Variants in TMC7 observed in about 807,000 individuals in gnomAD.
The protein encoded by TMC7 is transmembrane channel like 7.
A neutral mutation model predicts 82.9 loss-of-function variants in TMC7; 54 were observed. The observed-to-expected ratio is 0.65, with a 90% CI of 0.52 to 0.82. The LOEUF is 0.82. Ranked by LOEUF, TMC7 falls within the 40% of genes least tolerant of loss-of-function variation. The pLI is 0.00. For synonymous variants in TMC7, 350 were observed against 337.9 expected, an observed-to-expected ratio of 1.04 and a Z score of -0.39; for missense variants, 820 against 901.2, an observed-to-expected ratio of 0.91 and a Z score of 1.15.
Position 19,036,777 on chromosome 16 carries a change from T to C in TMC7, c.1005+954T>C, listed in dbSNP as rs573436416. 6.6e-5 allele frequency among the ~76,000 whole-genome samples: 10 copies of C among 151,194 alleles called. No homozygotes were observed. The South Asian group carries it at 2.1e-3, about 31-fold the overall frequency. ...GGAGAGAAAGGAGTAAAGAATAGCA[T>C]GTTAATAAAAATAAACCCATCAAAG... On this transcript the variant is annotated intron_variant, in intron 7 of 15. Transcript: ENST00000304381.
intron 2 of TMC7, among the ~76,000 whole-genome samples, chr16:19,010,133 TCTCCC>T (rs536946713): frequency 5.5e-5 from 3 of 54,414 alleles, no homozygotes; most frequent in Non-Finnish European, 1.0e-4. Flanking sequence ...CCCTCTCTCC[TCTCCC>T]CTCCCCTCCC....
intron 1 of TMC7, among the ~76,000 whole-genome samples, chr16:18,992,537 T>C (rs540551588): frequency 1.3e-5 from 2 of 152,248 alleles, no homozygotes; most frequent in Non-Finnish European, 1.5e-5. Flanking sequence ...TTTTCTCCCA[T>C]TCTGTAGGTT....
intron 15 of TMC7, 139 bp downstream of exon 15, chr16:19,059,633 G>T: frequency 1.3e-6 from 2 of 1,568,656 alleles, no homozygotes; most frequent in Non-Finnish European, 8.6e-7. Context: ...CTGCCTTGAG[G>T]CCCAGCCGCG....
chr16:19,038,084 A>C, intron 8 of TMC7, 37 bp downstream of exon 8: 8 of 1,582,972 alleles, frequency 5.1e-6, no homozygotes, highest in Non-Finnish European at 6.0e-6. Context: ...CATTATGCCT[A>C]GTGCACTGAA....
chr16:18,998,913 C>T (rs778857844), intron 1 of TMC7, among the ~76,000 whole-genome samples: 2 of 152,142 alleles, frequency 1.3e-5, no homozygotes, highest in African/African-American at 4.8e-5. Context: ...TGCCAGTTGA[C>T]GTGAGTCATG....
Position 19,035,703 on chromosome 16 carries a change from G to A in TMC7, c.885G>A (p.Leu295=), listed in dbSNP as rs376597809. The change falls in exon 7 of 16, where the codon CTG becomes CTA. Residue 295 remains leucine, a synonymous_variant. Transcript: ENST00000304381. ...KRSVEGFKIN[L]IRSEEHFQSY... is the part of the protein sequence containing the mutation. ...CGGTGGAAGGATTCAAAATCAACCT[G>A]ATTCGGAGTGAGGAGCACTTTCAGA... The A allele has an allele frequency of 8.3e-5, 134 of 1,614,076 alleles. No homozygotes were observed. Among genetic ancestry groups the A allele is most frequent in the Non-Finnish European group, 1.0e-4 (122 of 1,180,040 alleles).
chr16:19,061,769 A>AT lies in TMC7; in HGVS notation c.2107-3dup. Reference sequence around the variant, plus strand: ...TATTAAATGTACATGTGAACTTATTATTTTTTAGGAAAGTCGTGACAAGTG... The same window carrying AT: ...TATTAAATGTACATGTGAACTTATTATTTTTTTAGGAAAGTCGTGACAAGTG... On this transcript the variant is annotated splice_polypyrimidine_tract_variant and intron_variant, in intron 15 of 15. Coordinates refer to ENST00000304381, the MANE Select transcript of TMC7 (RefSeq NM_024847.4). 1 of 1,611,692 alleles carries AT rather than the reference A, an allele frequency of 6.2e-7. No homozygotes were observed. Among genetic ancestry groups the AT allele is most frequent in the Non-Finnish European group, 8.5e-7 (1 of 1,178,912 alleles).
intron 1 of TMC7, among the ~76,000 whole-genome samples, chr16:19,006,990 T>A (rs1403695371): frequency 6.6e-6 from 1 of 151,912 alleles, no homozygotes; most frequent in Non-Finnish European, 1.5e-5. Flanking sequence ...CTAGTTTTTT[T>A]TTTTTTGTAT....
chr16:19,027,917 G>C (rs967443490), intron 5 of TMC7, among the ~76,000 whole-genome samples: 1 of 152,084 alleles, frequency 6.6e-6, no homozygotes, highest in African/African-American at 2.4e-5. Flanking sequence ...AGAATTTATA[G>C]AGTAAAAAAT....
intron 13 of TMC7, among the ~76,000 whole-genome samples, chr16:19,056,166 T>C (rs1961759842): frequency 6.6e-6 from 1 of 151,890 alleles, no homozygotes. Context: ...CTCTGCTCAC[T>C]GCAACCTCCG....
intron 7 of TMC7, among the ~76,000 whole-genome samples, chr16:19,036,320 T>G (rs1960745134): frequency 6.6e-6 from 1 of 151,996 alleles, no homozygotes; most frequent in South Asian, 2.1e-4. Flanking sequence ...CCATCCTGGC[T>G]AACACGGTGA....
chr16:18,984,356 A>ACACG (rs1238104370), intron 1 of TMC7: 24 of 1,295,424 alleles, frequency 1.9e-5, no homozygotes, highest in Non-Finnish European at 2.2e-5. Flanking sequence ...GGCCAAAAGG[A>ACACG]CACGAGAACT....
intron 11 of TMC7, among the ~76,000 whole-genome samples, chr16:19,046,431 A>G (rs1170541262): frequency 6.6e-6 from 1 of 152,240 alleles, no homozygotes; most frequent in African/African-American, 2.4e-5. Context: ...CAGCATGATT[A>G]TCATAAACTG....
chr16:19,049,797 C>T lies in TMC7; in HGVS notation c.1741-1889C>T, dbSNP rs76977682. 1,272 of 269,646 alleles carry T rather than the reference C, an allele frequency of 4.7e-3. 37 individuals are homozygous for T. In the East Asian group the frequency reaches 0.055, roughly 12 times the overall value. 16.7% of individuals were successfully genotyped at this position (269,646 alleles called of 1,614,324 possible). On this transcript the variant is annotated intron_variant, in intron 12 of 15. Transcript: ENST00000304381. ...GTGTCCTCTGGCTCACAAGATGTTC[C>T]GGCTCCTCCTGAATTCAGAAGAACT...
At chr16:19,040,227 T>A (rs1414298335) in intron 8 of TMC7, 62 bp from the exon 9 acceptor site, 18 of 1,470,032 alleles carry the variant, frequency 1.2e-5, no homozygotes, top group Non-Finnish European at 1.6e-5. Context: ...TTTTTTGTTC[T>A]ATCTATTTGT....
chr16:19,052,909 C>T lies in TMC7; in HGVS notation c.1871+1093C>T, dbSNP rs774289353. On this transcript the variant is annotated intron_variant, in intron 13 of 15. Coordinates refer to ENST00000304381, the MANE Select transcript of TMC7 (RefSeq NM_024847.4). ...TGTATTTTTAGTAGAGACAGGGTATCGCCATGTTGGCCAGGCTGGTCTCGA... is the reference window on the plus strand; with the variant it reads ...TGTATTTTTAGTAGAGACAGGGTATTGCCATGTTGGCCAGGCTGGTCTCGA... Among the ~76,000 whole-genome samples the T allele has an allele frequency of 3.9e-5, 6 of 152,100 alleles. No homozygotes were observed. The East Asian group carries it at 9.6e-4, about 24-fold the overall frequency.
intron 15 of TMC7, chr16:19,059,793 A>G (rs1961926612): frequency 1.1e-6 from 1 of 899,498 alleles, no homozygotes; most frequent in Non-Finnish European, 1.7e-6. Flanking sequence ...CCTGGCCAAC[A>G]TGGTGAAACC....
chr16:19,060,320 T>G (rs530036009), intron 15 of TMC7, among the ~76,000 whole-genome samples: 16 of 152,218 alleles, frequency 1.1e-4, no homozygotes, highest in African/African-American at 3.8e-4. Context: ...TCCTCCCACC[T>G]TAGCCTCCCA....
intron 6 of TMC7, among the ~76,000 whole-genome samples, chr16:19,034,726 G>C (rs1393051908): frequency 1.3e-5 from 2 of 152,118 alleles, no homozygotes; most frequent in East Asian, 3.8e-4. Context: ...CTGAAGGATG[G>C]GAAGGAGATC....
Sources: gnomAD v4.1 joint callset for allele counts (sites outside exome capture counted in the v4.1 genomes callset) on GRCh38, gnomAD v4.1.1 for gene constraint, MANE v1.5 for transcripts, NCBI Gene and HGNC (gene_info 2026-07-23, HGNC 2026-07-21) for gene names.